Variants in ASH1L observed in about 807,000 individuals in gnomAD.
ASH1L encodes the protein ASH1 like histone lysine methyltransferase.
ASH1L carries 23 observed loss-of-function variants against 269.0 expected under a neutral mutation model. That is an observed-to-expected ratio of 0.09 (90% CI 0.06 to 0.12). ASH1L has a LOEUF of 0.12. ASH1L is among the 10% of genes least tolerant of loss of function. ASH1L has a pLI of 1.00. For missense variants in ASH1L, 2,912 were observed against 3,567.8 expected (o/e 0.82, Z 4.68); for synonymous variants, 1,187 against 1,253.5 (o/e 0.95, Z 1.12).
At chr1:155,417,814 C>T (rs1432605139) in intron 5 of ASH1L, among the ~76,000 whole-genome samples, 2 of 151,952 alleles carry the variant, frequency 1.3e-5, no homozygotes, top group East Asian at 1.9e-4. Context: ...CAAAATTAGG[C>T]GGGTGTGGTG....
intron 5 of ASH1L, chr1:155,434,215 T>TC: frequency 5.0e-6 from 8 of 1,598,314 alleles, no homozygotes; most frequent in South Asian, 2.3e-5. Flanking sequence ...GGGAAGCCTT[T>TC]CCCCCGTCTC....
chr1:155,371,923 A>G (rs1021800597), intron 10 of ASH1L, among the ~76,000 whole-genome samples: 3 of 151,586 alleles, frequency 2.0e-5, no homozygotes, highest in Non-Finnish European at 4.4e-5. Context: ...CAAACTCCCA[A>G]CCTCAGGTGA....
At chr1:155,422,931 G>A (rs1364818531) in intron 5 of ASH1L, among the ~76,000 whole-genome samples, 1 of 150,024 alleles carries the variant, frequency 6.7e-6, no homozygotes, top group Non-Finnish European at 1.5e-5. Context: ...TTACAGGCGT[G>A]AGCCATTGAG....
chr1:155,520,665 C>T (rs967011821), intron 2 of ASH1L, among the ~76,000 whole-genome samples: 2 of 151,858 alleles, frequency 1.3e-5, no homozygotes, highest in African/African-American at 2.4e-5. Flanking sequence ...GAGTTTGAGA[C>T]CAGCCTGGCC....
chr1:155,545,028 C>T (rs943303890), intron 1 of ASH1L, among the ~76,000 whole-genome samples: 9 of 150,954 alleles, frequency 6.0e-5, no homozygotes, highest in East Asian at 3.9e-4. Flanking sequence ...CAAAATTAGC[C>T]GGGCATGGTG....
intron 13 of ASH1L, among the ~76,000 whole-genome samples, chr1:155,358,008 C>A (rs950673227): frequency 1.3e-5 from 2 of 152,018 alleles, no homozygotes; most frequent in Non-Finnish European, 2.9e-5. Context: ...AGGGCTCGAG[C>A]AACTCTCCCA....
intron 4 of ASH1L, among the ~76,000 whole-genome samples, chr1:155,449,936 G>C (rs1468059941): frequency 6.6e-6 from 1 of 152,072 alleles, no homozygotes; most frequent in Non-Finnish European, 1.5e-5. Flanking sequence ...ACGTCCTTTA[G>C]TGTTTCTGCT....
chr1:155,551,069 C>T (rs1163000611), intron 1 of ASH1L, among the ~76,000 whole-genome samples: 2 of 152,158 alleles, frequency 1.3e-5, no homozygotes, highest in African/African-American at 4.8e-5. Flanking sequence ...AATCCCCCCA[C>T]CTCAGCCTCC....
intron 6 of ASH1L, among the ~76,000 whole-genome samples, chr1:155,413,076 T>G (rs540364372): frequency 1.3e-5 from 2 of 152,148 alleles, no homozygotes; most frequent in African/African-American, 4.8e-5. Context: ...ATAATTATAT[T>G]TCTGCTCTAT....
chr1:155,481,836 C>T lies in ASH1L; in HGVS notation c.1034G>A (p.Gly345Asp), dbSNP rs1413004622. ...SKDSGKKLGI[G>D]IVPGLVHKES... ...TTTATGCACTAAACCTGGAACAATA[C>T]CAATTCCTAGCTTCTTTCCTGAATC... The change falls in exon 3 of 28, where the codon GGT becomes GAT. Residue 345 changes from glycine to aspartate, a missense_variant. By Grantham distance (94) the Gly-to-Asp change is moderately conservative (BLOSUM62 -1). Transcript: ENST00000392403. 4 of 1,614,086 alleles carry T rather than the reference C, an allele frequency of 2.5e-6. No homozygotes were observed. The highest frequency in any genetic ancestry group is 3.3e-5 in the Admixed American group (2 of 60,000).
chr1:155,505,317 C>T (rs1667740996), intron 2 of ASH1L, among the ~76,000 whole-genome samples: 2 of 152,192 alleles, frequency 1.3e-5, no homozygotes, highest in Admixed American at 1.3e-4. Context: ...CCCTTCTTTG[C>T]ATATTCTCTT....
At chr1:155,431,129 A>G (rs112158100) in intron 5 of ASH1L, among the ~76,000 whole-genome samples, 1 of 152,004 alleles carries the variant, frequency 6.6e-6, no homozygotes, top group Non-Finnish European at 1.5e-5. Context: ...GAAAATCGCT[A>G]GAACCCAAGA....
intron 2 of ASH1L, among the ~76,000 whole-genome samples, chr1:155,484,900 G>T (rs1666202522): frequency 7.6e-6 from 1 of 130,746 alleles, no homozygotes; most frequent in Non-Finnish European, 1.5e-5. Flanking sequence ...CTGCACTTTA[G>T]CCTAGGTGAC....
At chr1:155,388,252 C>T (rs1348546591) in intron 7 of ASH1L, among the ~76,000 whole-genome samples, 4 of 152,130 alleles carry the variant, frequency 2.6e-5, no homozygotes, top group Non-Finnish European at 5.9e-5. Flanking sequence ...ATAGTAACTG[C>T]TGCCACTCAC....
intron 5 of ASH1L, 64 bp downstream of exon 5, chr1:155,438,263 G>T: frequency 6.9e-7 from 1 of 1,443,860 alleles, no homozygotes; most frequent in Non-Finnish European, 9.3e-7. Context: ...CAGCTATAGA[G>T]TTACATTACA....
At position 155,477,890 on chromosome 1, in the gene ASH1L, C is replaced by T; in HGVS notation, c.4980G>A (p.Leu1660=). The T allele has an allele frequency of 6.3e-7, 1 of 1,596,272 alleles. No homozygotes were observed. The highest frequency in any genetic ancestry group is 8.6e-7 in the Non-Finnish European group (1 of 1,168,198). The change falls in exon 3 of 28, where the codon TTG becomes TTA. Residue 1660 remains leucine (L), a synonymous_variant. Transcript: ENST00000392403. The part of the protein sequence containing the change: ...LPSNERAVQT[L]AGSQPTSDKP... Reference sequence around the variant, plus strand: ...GTAACAAAATAACCCTCTTACCTGCCAAAGTCTGTACTGCCCTTTCGTTAG... The same window carrying T: ...GTAACAAAATAACCCTCTTACCTGCTAAAGTCTGTACTGCCCTTTCGTTAG...
intron 5 of ASH1L, chr1:155,433,177 C>T (rs1177824387): frequency 6.5e-7 from 1 of 1,529,032 alleles, no homozygotes; most frequent in Non-Finnish European, 8.8e-7. Flanking sequence ...GCCTTCCTTC[C>T]CCATGGCGGG....
At chr1:155,373,454 C>T (rs934526813) in intron 10 of ASH1L, among the ~76,000 whole-genome samples, 3 of 151,562 alleles carry the variant, frequency 2.0e-5, no homozygotes, top group Non-Finnish European at 4.4e-5. Flanking sequence ...CATCTGACTA[C>T]TTAAAAAAAA....
Position 155,538,946 on chromosome 1 carries a change from T to C in ASH1L, c.-99-17328A>G, listed in dbSNP as rs72704193. On this transcript the variant is annotated intron_variant, in intron 1 of 27. Transcript: ENST00000392403. ...ATCTTTCCCATTTCAGTACCACCAA[T>C]TGCTCAAGTCAGAGCTACTACTAGT... Among the ~76,000 whole-genome samples the C allele has an allele frequency of 8.5e-3, 1,291 of 152,234 alleles. 12 individuals are homozygous for C. The highest frequency in any genetic ancestry group is 0.013 in the Non-Finnish European group (885 of 68,008).
Sources: allele counts gnomAD v4.1 joint callset (sites outside exome capture counted in the v4.1 genomes callset), GRCh38; gene constraint gnomAD v4.1.1; transcripts MANE v1.5; gene names NCBI Gene and HGNC (gene_info 2026-07-23, HGNC 2026-07-21).